The following VWA5B1 variants were observed in gnomAD, a reference collection of about 807,000 sequenced individuals.
VWA5B1 encodes von Willebrand factor A domain-containing protein 5B1.
VWA5B1 carries 115 observed loss-of-function variants against 118.2 expected under a neutral mutation model. That is an observed-to-expected ratio of 0.97 (90% CI 0.84 to 1.14). The LOEUF is 1.14. Among genes scored for constraint, VWA5B1 ranks in the 50% most tolerant of loss-of-function variants. The pLI is 0.00. For missense variants in VWA5B1, 1,596 were observed against 1,603.8 expected, an observed-to-expected ratio of 1.00 and a Z score of 0.08; for synonymous variants, 682 against 658.4, an observed-to-expected ratio of 1.04 and a Z score of -0.55.
In VWA5B1 at chr1:20,312,853, C is replaced by T. The variant is rs1328474507; in HGVS notation, c.157C>T (p.Leu53=). 6.4e-7 allele frequency: 1 copy of T among 1,551,276 alleles called. No individual in the cohort carries two copies. The highest frequency in any genetic ancestry group is 2.4e-5 in the East Asian group (1 of 40,892). Residue 53 remains leucine (L), a synonymous_variant, in exon 3 of 22, where the codon CTG becomes TTG. Coordinates refer to ENST00000289815, the MANE Select transcript of VWA5B1 (RefSeq NM_001039500.3). ...TCCGACAGGCCTCTTCGTGTACCCCCTGGATGAGTGCACCACGGTGATCGG... is the reference window on the plus strand; with the variant it reads ...TCCGACAGGCCTCTTCGTGTACCCCTTGGATGAGTGCACCACGGTGATCGG... The part of the protein sequence containing the change: ...QPFQGLFVYP[L]DECTTVIGFE...
At chr1:20,322,665 C>G (rs996259063) in intron 7 of VWA5B1, among the ~76,000 whole-genome samples, 2 of 152,208 alleles carry the variant, frequency 1.3e-5, no homozygotes, top group Non-Finnish European at 2.9e-5. Context: ...CCAGGACCAA[C>G]AACAGCAGCA....
chr1:20,325,169 GC>G (rs2089340436), intron 8 of VWA5B1, among the ~76,000 whole-genome samples: 1 of 152,196 alleles, frequency 6.6e-6, no homozygotes, highest in African/African-American at 2.4e-5. Context: ...TCTATGTCTT[GC>G]TTCAGAGCTC....
rs940381109 is a variant in VWA5B1 at position 20,317,734 on chromosome 1, C to T, written c.709+59C>T. The T allele has an allele frequency of 6.3e-5, 83 of 1,322,768 alleles. No homozygotes were observed. The African/African-American group carries it at 1.1e-3, about 18-fold the overall frequency. 81.9% of individuals were successfully genotyped at this position (1,322,768 alleles called of 1,614,324 possible). On this transcript the variant is annotated intron_variant, in intron 5 of 21. Coordinates refer to ENST00000289815, the MANE Select transcript of VWA5B1 (RefSeq NM_001039500.3). ...CTTCAGGCGAAAAGCCAAAGGCTGC[C>T]AGGGATGGGACGGGGGTGGGAAGGA...
At chr1:20,321,999 G>A (rs922125559) in intron 7 of VWA5B1, among the ~76,000 whole-genome samples, 5 of 152,182 alleles carry the variant, frequency 3.3e-5, no homozygotes, top group African/African-American at 1.2e-4. Context: ...GGACCACAGG[G>A]AGATAAAAGT....
intron 8 of VWA5B1, among the ~76,000 whole-genome samples, chr1:20,326,778 A>G (rs1000514884): frequency 1.3e-5 from 2 of 152,050 alleles, no homozygotes; most frequent in Non-Finnish European, 2.9e-5. Context: ...CTCTGTCATT[A>G]GTCTTAGGTT....
At chr1:20,349,029 G>A in intron 18 of VWA5B1, 1 of 274,036 alleles carries the variant, frequency 3.6e-6, no homozygotes, top group Non-Finnish European at 7.7e-6. Flanking sequence ...CTGTGCAGGA[G>A]GAAGACATCA....
chr1:20,343,114 A>G lies in VWA5B1; in HGVS notation c.2347A>G (p.Thr783Ala). ...CCATCCCTCTGCCTTCGAGACAGAG[A>G]CGTCCTCGGACTGGGACCCCCCAGC... The part of the protein sequence containing the change: ...SHHPSAFETE[T>A]SSDWDPPAES... The change falls in exon 16 of 22, where the codon ACG becomes GCG. Residue 783 changes from threonine to alanine, a missense_variant. Thr to Ala is a moderately conservative substitution (Grantham distance 58). Coordinates refer to ENST00000289815, the MANE Select transcript of VWA5B1 (RefSeq NM_001039500.3). 1 of 1,537,544 alleles carries G rather than the reference A, an allele frequency of 6.5e-7. No homozygotes were observed. The highest frequency in any genetic ancestry group is 8.8e-7 in the Non-Finnish European group (1 of 1,137,732).
intron 8 of VWA5B1, among the ~76,000 whole-genome samples, chr1:20,323,940 A>AT (rs1207626997): frequency 6.6e-6 from 1 of 152,102 alleles, no homozygotes; most frequent in Non-Finnish European, 1.5e-5. Context: ...GTTTGATCCT[A>AT]TTTTTGCCAT....
At chr1:20,295,277 CAGAGCGGA>C (rs1233629453) in intron 1 of VWA5B1, among the ~76,000 whole-genome samples, 1 of 152,054 alleles carries the variant, frequency 6.6e-6, no homozygotes, top group Admixed American at 6.5e-5. Context: ...AACACAGAGT[CAGAGCGGA>C]AGAGAAATAT....
chr1:20,300,830 A>T (rs943456098), intron 1 of VWA5B1, among the ~76,000 whole-genome samples: 3 of 152,270 alleles, frequency 2.0e-5, no homozygotes, highest in South Asian at 4.1e-4. Flanking sequence ...CCAGGGTCTT[A>T]AGACCCCACC....
rs1223381277 is a variant in VWA5B1, at chr1:20,356,838, A to G, written c.*2575A>G. 6.6e-6 allele frequency among the ~76,000 whole-genome samples: 1 copy of G among 152,208 alleles called. No homozygotes were observed. Among genetic ancestry groups the G allele is most frequent in the Non-Finnish European group, 1.5e-5 (1 of 68,038 alleles). The stretch of plus-strand genomic sequence containing the variant: ...GTCTGGACAAGAGACATTTTTAAAG[A>G]ACTTCAGTGGTATTGAGATGACATG... On this transcript the variant is annotated 3_prime_UTR_variant, in exon 22 of 22. Coordinates refer to ENST00000289815, the MANE Select transcript of VWA5B1 (RefSeq NM_001039500.3).
chr1:20,295,444 T>A (rs2088385664), intron 1 of VWA5B1, among the ~76,000 whole-genome samples: 1 of 152,080 alleles, frequency 6.6e-6, no homozygotes, highest in Non-Finnish European at 1.5e-5. Context: ...GCCTGAGAAA[T>A]TGAAATCTCA....
At chr1:20,333,654 T>C (rs921097908) in intron 12 of VWA5B1, among the ~76,000 whole-genome samples, 3 of 152,256 alleles carry the variant, frequency 2.0e-5, no homozygotes, top group East Asian at 3.8e-4. Context: ...AGTAAGCGCG[T>C]ATCTCCTTAG....
At chr1:20,325,823 C>G (rs1395942575) in intron 8 of VWA5B1, among the ~76,000 whole-genome samples, 2 of 152,156 alleles carry the variant, frequency 1.3e-5, no homozygotes, top group East Asian at 1.9e-4. Context: ...CACCCCTTTC[C>G]CCACTGACAA....
chr1:20,294,717 G>A (rs1176815532), intron 1 of VWA5B1, among the ~76,000 whole-genome samples: 2 of 152,064 alleles, frequency 1.3e-5, no homozygotes, highest in Non-Finnish European at 2.9e-5. Context: ...AGCCTCCCAA[G>A]TAGCTGAGAT....
At chr1:20,325,527 T>C (rs1372337636) in intron 8 of VWA5B1, among the ~76,000 whole-genome samples, 1 of 152,226 alleles carries the variant, frequency 6.6e-6, no homozygotes, top group Non-Finnish European at 1.5e-5. Flanking sequence ...ATCCTTCTCA[T>C]CCAGTGTTCC....
Position 20,304,619 on chromosome 1 carries a change from C to G in VWA5B1, c.-26-5957C>G, listed in dbSNP as rs531273044. Reference sequence around the variant, plus strand: ...GTGACAGAGGGGACCAGAAGGGAAACAGCCTGGAGGTTGAAGGAACAGGTA... The same window carrying G: ...GTGACAGAGGGGACCAGAAGGGAAAGAGCCTGGAGGTTGAAGGAACAGGTA... On this transcript the variant is annotated intron_variant, in intron 1 of 21. Transcript: ENST00000289815. Among the ~76,000 whole-genome samples the G allele has an allele frequency of 2.0e-5, 3 of 151,154 alleles. No individual in the cohort carries two copies. In the South Asian group the frequency reaches 6.3e-4, roughly 32 times the overall value.
chr1:20,296,642 G>A (rs1054199668), intron 1 of VWA5B1, among the ~76,000 whole-genome samples: 10 of 152,198 alleles, frequency 6.6e-5, no homozygotes, highest in African/African-American at 2.4e-4. Context: ...TATTTGATTT[G>A]TCCTTTGAGG....
At chr1:20,321,257 T>C (rs2089206100) in intron 7 of VWA5B1, among the ~76,000 whole-genome samples, 1 of 152,134 alleles carries the variant, frequency 6.6e-6, no homozygotes, top group Non-Finnish European at 1.5e-5. Flanking sequence ...TTCATCTTCA[T>C]GGAGCTTATA....
Sources: gnomAD v4.1 joint callset for allele counts (sites outside exome capture counted in the v4.1 genomes callset) on GRCh38, gnomAD v4.1.1 for gene constraint, MANE v1.5 for transcripts, NCBI Gene and HGNC (gene_info 2026-07-23, HGNC 2026-07-21) for gene names.